Variants in IL18BP observed in about 807,000 individuals in gnomAD.
IL18BP encodes interleukin 18 binding protein.
A neutral mutation model predicts 19.9 loss-of-function variants in IL18BP; 23 were observed. The ratio of observed to expected loss-of-function variants is 1.15; its 90% confidence interval spans 0.83 to 1.64. The LOEUF (loss-of-function observed/expected upper bound fraction) is 1.64. Ranked by LOEUF, IL18BP falls within the 40% of genes most tolerant of loss-of-function variation. The probability of loss-of-function intolerance (pLI) is 0.00; values close to 1 mark genes in which losing one functional copy is unlikely to be tolerated. For synonymous variants in IL18BP, 107 were observed against 101.0 expected (o/e 1.06, Z -0.35); for missense variants, 239 against 240.7 (o/e 0.99, Z 0.05).
chr11:72,004,849 T>C (rs1056058520), downstream of IL18BP: 11 of 1,532,888 alleles, frequency 7.2e-6, no homozygotes, highest in African/African-American at 2.8e-5. Flanking sequence ...CAGTGGACCA[T>C]AGCTGTATGG....
At chr11:72,007,478 A>G, downstream of IL18BP, 3 of 1,605,352 alleles carry the variant, frequency 1.9e-6, no homozygotes, top group Non-Finnish European at 2.5e-6. Flanking sequence ...TTCACGCTAG[A>G]AGGCATTTTG....
downstream of IL18BP, among the ~76,000 whole-genome samples, chr11:72,006,528 T>C (rs1427114905): frequency 2.6e-5 from 4 of 152,202 alleles, no homozygotes; most frequent in Admixed American, 2.6e-4. Flanking sequence ...GCAGAGTGTT[T>C]ATCGGCCCAT....
downstream of IL18BP, among the ~76,000 whole-genome samples, chr11:72,006,588 G>T (rs1955730869): frequency 6.6e-6 from 1 of 152,184 alleles, no homozygotes; most frequent in Admixed American, 6.5e-5. Context: ...AAATCACACT[G>T]CTAGGAAGTA....
downstream of IL18BP, chr11:72,007,670 C>T (rs747020148): frequency 1.1e-4 from 64 of 569,062 alleles, no homozygotes; most frequent in Non-Finnish European, 1.9e-4. Context: ...ACCCAGATGT[C>T]CCATCCCCAC....
At chr11:72,004,447 A>G (rs1955532372), downstream of IL18BP, 52 of 1,240,764 alleles carry the variant, frequency 4.2e-5, no homozygotes, top group South Asian at 6.1e-4. Flanking sequence ...TCAACGTGCA[A>G]CCTGCTCCCC....
chr11:72,007,394 C>G, downstream of IL18BP: 1 of 1,613,828 alleles, frequency 6.2e-7, no homozygotes, highest in African/African-American at 1.3e-5. Context: ...GGCTGGTTCT[C>G]CAGGGACGCT....
downstream of IL18BP, chr11:72,003,680 T>G (rs1590843788): frequency 2.6e-6 from 3 of 1,160,362 alleles, no homozygotes; most frequent in South Asian, 2.6e-5. Context: ...TTGCTGGCTG[T>G]GCCTGAGCAG....
chr11:72,001,514 C>A lies in IL18BP; in HGVS notation c.469C>A (p.Gln157Lys), dbSNP rs1955235596. 4.3e-6 allele frequency: 7 copies of A among 1,613,874 alleles called. No homozygotes were observed. In the East Asian group the frequency reaches 1.1e-4, roughly 26 times the overall value. Residue 157 changes from glutamine to lysine, a missense_variant, in exon 5 of 6, where the codon CAG (glutamine) becomes AAG (lysine). Gln to Lys is a moderately conservative substitution (Grantham distance 53). Coordinates refer to ENST00000393703, the MANE Select transcript of IL18BP (RefSeq NM_001039660.2). Reference protein sequence around the residue: ...NFSCVLVDPEQVVQRHVVLAQ... With the variant: ...NFSCVLVDPEKVVQRHVVLAQ... ...CTCCTGTGTGCTCGTGGACCCTGAA[C>A]AGGTTGTCCAGCGTCACGTCGTCCT...
downstream of IL18BP, chr11:72,008,195 T>A (rs778469281): frequency 4.5e-4 from 213 of 469,418 alleles, 2 homozygotes; most frequent in Non-Finnish European, 8.1e-4. Context: ...ATTTTTCCAG[T>A]CTTAACTTCT....
At chr11:72,007,484 T>C (rs1007365932), downstream of IL18BP, 20 of 1,588,212 alleles carry the variant, frequency 1.3e-5, no homozygotes, top group Non-Finnish European at 1.6e-5. Context: ...CTAGAAGGCA[T>C]TTTGTCCAGC....
chr11:72,000,449 TCA>T lies in IL18BP; in HGVS notation c.128_129del (p.Ser43CysfsTer2). 6.2e-7 allele frequency: 1 copy of T among 1,614,046 alleles called. No individual in the cohort carries two copies. On this transcript the variant is annotated frameshift_variant, in exon 3 of 6. Transcript: ENST00000393703. LOFTEE classifies it high-confidence loss of function. ...GCAGACCACCACAGCTGCCACTGCCTCAGTTAGAAGCACAAAGGACCCCTGCC... is the reference window on the plus strand; with the variant it reads ...GCAGACCACCACAGCTGCCACTGCCTGTTAGAAGCACAAAGGACCCCTGCC... ...VSQTTTAATA[S>X]VRSTKDPCPS...
At position 72,000,013 on chromosome 11, in the gene IL18BP, G is replaced by T; in HGVS notation, c.28+1G>T. 6.2e-7 allele frequency: 1 copy of T among 1,613,910 alleles called. No homozygotes were observed. The highest frequency in any genetic ancestry group is 8.5e-7 in the Non-Finnish European group (1 of 1,179,816). On this transcript the variant is annotated splice_donor_variant, in intron 2 of 5. Transcript: ENST00000393703. LOFTEE classifies it high-confidence loss of function. ...ACCATGAGACACAACTGGACACCAG[G>T]TAGGCCTTGGGGCTACGCATGGGCA...
At chr11:72,007,246 A>T, downstream of IL18BP, 1 of 1,613,194 alleles carries the variant, frequency 6.2e-7, no homozygotes, top group Non-Finnish European at 8.5e-7. Flanking sequence ...AGCGGGTCTT[A>T]CGACCCGAGT....
chr11:72,007,616 T>C, downstream of IL18BP: 1 of 719,884 alleles, frequency 1.4e-6, no homozygotes, highest in South Asian at 1.6e-5. Flanking sequence ...TTCAGTCCAC[T>C]CCCCTGGCTT....
At chr11:72,004,311 G>A, downstream of IL18BP, 1 of 1,613,294 alleles carries the variant, frequency 6.2e-7, no homozygotes, top group Non-Finnish European at 8.5e-7. Flanking sequence ...GGAGTCATGG[G>A]GCGTGGGAAA....
downstream of IL18BP, chr11:72,004,396 C>G (rs893624330): frequency 1.8e-5 from 27 of 1,497,490 alleles, no homozygotes; most frequent in African/African-American, 2.6e-4. Flanking sequence ...ACATCTGAAG[C>G]CAGGTGTCTT....
rs1955069654 is a variant in IL18BP at position 71,998,957 on chromosome 11, T to C, written c.-121T>C. 3.8e-6 allele frequency: 1 copy of C among 261,434 alleles called. No individual in the cohort carries two copies. Among genetic ancestry groups the C allele is most frequent in the Non-Finnish European group, 7.8e-6 (1 of 128,268 alleles). 16.2% of individuals were successfully genotyped at this position (261,434 alleles called of 1,614,324 possible). A position where few individuals can be genotyped will look rare whatever the true frequency, so the allele number is the denominator to read the frequency against. Reference sequence around the variant, plus strand: ...CGCAGCTAGACACAGCTAACTTGAGTCTTGGAGCTCCTAGAGGGAAGCTTC... The same window carrying C: ...CGCAGCTAGACACAGCTAACTTGAGCCTTGGAGCTCCTAGAGGGAAGCTTC... On this transcript the variant is annotated 5_prime_UTR_variant, in exon 1 of 6. Transcript: ENST00000393703.
downstream of IL18BP, chr11:72,003,977 A>G: frequency 6.2e-7 from 1 of 1,612,724 alleles, no homozygotes; most frequent in Non-Finnish European, 8.5e-7. Context: ...GGCGGGTTCC[A>G]CTGCGAGTGT....
chr11:72,007,483 A>T, downstream of IL18BP: 1 of 1,602,298 alleles, frequency 6.2e-7, no homozygotes, highest in Non-Finnish European at 8.5e-7. Context: ...GCTAGAAGGC[A>T]TTTTGTCCAG....
Sources: allele counts gnomAD v4.1 joint callset (sites outside exome capture counted in the v4.1 genomes callset), GRCh38; gene constraint gnomAD v4.1.1; transcripts MANE v1.5; gene names NCBI Gene and HGNC (gene_info 2026-07-23, HGNC 2026-07-21).